Variants in TEKTL1 observed in about 807,000 individuals in gnomAD.
TEKTL1 encodes tektin like 1.
chr19:15,021,314 A>C, the TEKTL1 span: 3 of 1,605,708 alleles, frequency 1.9e-6, no homozygotes, highest in Non-Finnish European at 2.6e-6. Context: ...CTGGGAACGG[A>C]GGACTTGGCA....
At chr19:15,013,445 C>A in the TEKTL1 span, among the ~76,000 whole-genome samples, 1 of 152,070 alleles carries the variant, frequency 6.6e-6, no homozygotes, top group African/African-American at 2.4e-5. Flanking sequence ...GAGAGACGCC[C>A]CCAACCTCAA....
At chr19:15,020,630 C>T in the TEKTL1 span, 1 of 1,613,866 alleles carries the variant, frequency 6.2e-7, no homozygotes, top group Non-Finnish European at 8.5e-7. Flanking sequence ...AAAACGCCTC[C>T]TCCAGACCCT....
the TEKTL1 span, chr19:15,022,797 C>CT: frequency 1.4e-6 from 2 of 1,474,266 alleles, no homozygotes; most frequent in Non-Finnish European, 1.8e-6. Context: ...ACACACACAC[C>CT]TGGCGCAGGT....
At chr19:15,022,358 TCG>T in the TEKTL1 span, among the ~76,000 whole-genome samples, 1 of 152,070 alleles carries the variant, frequency 6.6e-6, no homozygotes, top group African/African-American at 2.4e-5. Flanking sequence ...AGACAGACTC[TCG>T]CTCTGTCGCC....
chr19:15,017,198 G>A, the TEKTL1 span, among the ~76,000 whole-genome samples: 1 of 152,028 alleles, frequency 6.6e-6, no homozygotes, highest in Non-Finnish European at 1.5e-5. Flanking sequence ...ATCCAGCCTG[G>A]GAGACAGAGC....
At chr19:15,022,807 T>C in the TEKTL1 span, 1 of 1,485,674 alleles carries the variant, frequency 6.7e-7, no homozygotes, top group Non-Finnish European at 9.0e-7. Flanking sequence ...CTGGCGCAGG[T>C]GTGCCTTCCC....
At chr19:15,022,726 T>TC in the TEKTL1 span, 2 of 816,134 alleles carry the variant, frequency 2.5e-6, no homozygotes, top group Non-Finnish European at 3.7e-6. Context: ...GTCGCGGTTT[T>TC]TTTTTTTTCC....
At chr19:15,010,868 C>G in the TEKTL1 span, 2 of 1,555,494 alleles carry the variant, frequency 1.3e-6, no homozygotes, top group Non-Finnish European at 1.7e-6. Flanking sequence ...CCAGGACACA[C>G]GCGTTGGGGC....
the TEKTL1 span, chr19:15,021,854 C>T: frequency 1.9e-6 from 3 of 1,614,094 alleles, no homozygotes; most frequent in South Asian, 1.1e-5. Flanking sequence ...GCTGGACAGA[C>T]CCCTGGTTCG....
At chr19:15,019,903 G>A in the TEKTL1 span, among the ~76,000 whole-genome samples, 1 of 151,564 alleles carries the variant, frequency 6.6e-6, no homozygotes, top group Non-Finnish European at 1.5e-5. Flanking sequence ...GGAGGTTGAG[G>A]CTGCAGTGAG....
chr19:15,012,923 G>C, the TEKTL1 span, among the ~76,000 whole-genome samples: 2 of 133,154 alleles, frequency 1.5e-5, no homozygotes. Flanking sequence ...CAACCCAGGT[G>C]AAACTCCCCC....
the TEKTL1 span, chr19:15,020,427 T>A: frequency 6.3e-7 from 1 of 1,591,678 alleles, no homozygotes; most frequent in Non-Finnish European, 8.6e-7. Context: ...ACCTCCCAGT[T>A]CTCACTCTGT....
the TEKTL1 span, chr19:15,022,801 C>A: frequency 1.2e-5 from 17 of 1,459,432 alleles, no homozygotes; most frequent in African/African-American, 1.4e-5. Context: ...ACACACCTGG[C>A]GCAGGTGTGC....
chr19:15,021,445 G>C, the TEKTL1 span: 1 of 1,614,228 alleles, frequency 6.2e-7, no homozygotes, highest in South Asian at 1.1e-5. Context: ...GGACGTCCGG[G>C]AGCAACAGCT....
At chr19:15,015,639 G>A in the TEKTL1 span, among the ~76,000 whole-genome samples, 1 of 152,110 alleles carries the variant, frequency 6.6e-6, no homozygotes, top group Non-Finnish European at 1.5e-5. Context: ...GATCTGTTGG[G>A]ATGATGAAAA....
the TEKTL1 span, among the ~76,000 whole-genome samples, chr19:15,018,731 T>TATATATATATATATATATATATATATAA: frequency 6.3e-5 from 8 of 127,016 alleles, 1 homozygote; most frequent in Non-Finnish European, 8.5e-5. Flanking sequence ...TATATATATA[T>TATATATATATATATATATATATATATAA]AACTTCCCTG....
At chr19:15,018,920 G>A in the TEKTL1 span, among the ~76,000 whole-genome samples, 1 of 150,900 alleles carries the variant, frequency 6.6e-6, no homozygotes, top group Non-Finnish European at 1.5e-5. Context: ...ATCTGTAATG[G>A]CTATTGAGGA....
chr19:15,021,332 G>T, the TEKTL1 span: 1 of 1,610,836 alleles, frequency 6.2e-7, no homozygotes, highest in African/African-American at 1.3e-5. Flanking sequence ...GCACCCCCAC[G>T]CGCATCCTGG....
the TEKTL1 span, chr19:15,023,078 C>T: frequency 1.2e-6 from 2 of 1,608,664 alleles, no homozygotes; most frequent in Non-Finnish European, 1.7e-6. Flanking sequence ...CTGGGACCCG[C>T]GCACGCCGCC....
Sources: gnomAD v4.1 joint callset for allele counts (sites outside exome capture counted in the v4.1 genomes callset) on GRCh38, gnomAD v4.1.1 for gene constraint, MANE v1.5 for transcripts, NCBI Gene and HGNC (gene_info 2026-07-23, HGNC 2026-07-21) for gene names.